The following TBCK variants were observed in gnomAD, a reference collection of about 807,000 sequenced individuals.
The protein encoded by TBCK is TBC1 domain containing kinase, also known as TBC domain-containing protein kinase-like protein.
A neutral mutation model predicts 113.4 loss-of-function variants in TBCK; 99 were observed. That is an observed-to-expected ratio of 0.87 (90% CI 0.74 to 1.03). The LOEUF (loss-of-function observed/expected upper bound fraction) is 1.03. TBCK is among the 50% of genes least tolerant of loss of function. The pLI, the probability that TBCK is intolerant of heterozygous loss-of-function variation, is 0.00. For missense variants in TBCK, 1,045 were observed against 1,061.3 expected (o/e 0.98, Z 0.21); for synonymous variants, 369 against 370.8 (o/e 1.00, Z 0.05).
chr4:106,125,581 A>T (rs751710113), intron 23 of TBCK, among the ~76,000 whole-genome samples: 2 of 152,186 alleles, frequency 1.3e-5, no homozygotes, highest in Non-Finnish European at 2.9e-5. Flanking sequence ...GGAGGTCATC[A>T]TGTTAAGTGA....
intron 23 of TBCK, among the ~76,000 whole-genome samples, chr4:106,122,240 C>T (rs1176902675): frequency 6.6e-6 from 1 of 151,964 alleles, no homozygotes; most frequent in Non-Finnish European, 1.5e-5. Flanking sequence ...GAGAATACTA[C>T]AAACACCTCT....
intron 19 of TBCK, among the ~76,000 whole-genome samples, chr4:106,226,083 G>A (rs758416800): frequency 1.3e-5 from 2 of 152,086 alleles, no homozygotes; most frequent in Non-Finnish European, 2.9e-5. Flanking sequence ...AGGGTGGCTT[G>A]AGCACAGGAG....
chr4:106,099,654 C>T (rs1741320615), intron 24 of TBCK, among the ~76,000 whole-genome samples: 2 of 152,116 alleles, frequency 1.3e-5, no homozygotes, highest in Non-Finnish European at 2.9e-5. Flanking sequence ...AGTCAAAAAT[C>T]TCATTTCCAA....
intron 23 of TBCK, among the ~76,000 whole-genome samples, chr4:106,156,717 C>G (rs753937150): frequency 3.3e-5 from 5 of 152,086 alleles, no homozygotes; most frequent in Non-Finnish European, 5.9e-5. Context: ...AGCTCTTCAT[C>G]GAGCTTGTGG....
At chr4:106,314,335 A>C (rs1377707560) in intron 1 of TBCK, among the ~76,000 whole-genome samples, 1 of 152,220 alleles carries the variant, frequency 6.6e-6, no homozygotes, top group Non-Finnish European at 1.5e-5. Flanking sequence ...AAAGTAACCA[A>C]TACAAAAACT....
At position 106,138,484 on chromosome 4, in the gene TBCK, G is replaced by T. The variant is rs573594810; in HGVS notation, c.2236-22106C>A. Among the ~76,000 whole-genome samples, 2 of 141,064 alleles carry T rather than the reference G, an allele frequency of 1.4e-5. 1 individual carries two copies. The highest frequency in any genetic ancestry group is 3.2e-5 in the Non-Finnish European group (2 of 62,050). The allele number at this position is 141,064 out of a possible 152,430, so 92.5% of individuals were successfully genotyped here. ...TAATTATGAGACTCAGTTAAGTGTT[G>T]TTCATGAACATGGCATGCTTATATA... is the stretch of plus-strand genomic sequence containing the variant. On this transcript the variant is annotated intron_variant, in intron 23 of 25. Coordinates refer to ENST00000394708, the MANE Select transcript of TBCK (RefSeq NM_001163435.3).
intron 25 of TBCK, among the ~76,000 whole-genome samples, chr4:106,073,356 C>T (rs1041740838): frequency 6.6e-6 from 1 of 152,214 alleles, no homozygotes; most frequent in Non-Finnish European, 1.5e-5. Context: ...ACAGGTCCCT[C>T]AGCTGCAGGT....
chr4:106,109,563 G>A (rs561984928), intron 24 of TBCK, among the ~76,000 whole-genome samples: 1 of 152,268 alleles, frequency 6.6e-6, no homozygotes, highest in Non-Finnish European at 1.5e-5. Flanking sequence ...TGGAATAACT[G>A]GCTAGTCATA....
At chr4:106,225,756 T>A (rs1758173336) in intron 19 of TBCK, among the ~76,000 whole-genome samples, 1 of 151,658 alleles carries the variant, frequency 6.6e-6, no homozygotes, top group Admixed American at 6.6e-5. Flanking sequence ...TGCGCCCAGC[T>A]TTTTTGGCCT....
chr4:106,197,593 T>C (rs1394047145), intron 20 of TBCK, among the ~76,000 whole-genome samples: 2 of 151,640 alleles, frequency 1.3e-5, no homozygotes, highest in African/African-American at 2.4e-5. Context: ...AAACAAGGCA[T>C]TAGGGAGAGT....
At chr4:106,305,390 C>A (rs1767409216) in intron 2 of TBCK, among the ~76,000 whole-genome samples, 1 of 151,942 alleles carries the variant, frequency 6.6e-6, no homozygotes, top group Non-Finnish European at 1.5e-5. Context: ...TTTGAGACTA[C>A]CAGCATCATC....
chr4:106,302,190 G>T (rs747630727), intron 2 of TBCK, among the ~76,000 whole-genome samples: 2 of 152,234 alleles, frequency 1.3e-5, no homozygotes, highest in African/African-American at 2.4e-5. Flanking sequence ...CATGACCTAT[G>T]TTACCCTAGC....
chr4:106,060,116 A>G (rs1735873022), intron 25 of TBCK, among the ~76,000 whole-genome samples: 1 of 150,838 alleles, frequency 6.6e-6, no homozygotes, highest in South Asian at 2.1e-4. Context: ...TCCATAACTA[A>G]AAGTGTAAGG....
At chr4:106,150,298 A>G (rs2149679340) in intron 23 of TBCK, among the ~76,000 whole-genome samples, 1 of 152,322 alleles carries the variant, frequency 6.6e-6, no homozygotes. Flanking sequence ...TATGATCACA[A>G]ATATGAATGC....
intron 22 of TBCK, among the ~76,000 whole-genome samples, chr4:106,177,235 C>T (rs1751784067): frequency 6.6e-6 from 1 of 151,796 alleles, no homozygotes; most frequent in African/African-American, 2.4e-5. Flanking sequence ...TGTACTCTGG[C>T]TACTAATCCT....
At chr4:106,278,502 T>C (rs1465288727) in intron 3 of TBCK, among the ~76,000 whole-genome samples, 1 of 132,182 alleles carries the variant, frequency 7.6e-6, no homozygotes. Context: ...GAGGTTGCAG[T>C]GAGCCCAGAT....
intron 23 of TBCK, among the ~76,000 whole-genome samples, chr4:106,140,377 T>C (rs1312474268): frequency 7.1e-6 from 1 of 141,300 alleles, no homozygotes; most frequent in Non-Finnish European, 1.6e-5. Flanking sequence ...TAAAATAAAA[T>C]AGCTATTCTA....
rs1578957758 is a variant in TBCK, at chr4:106,120,288, T to C, written c.2236-3910A>G. Among the ~76,000 whole-genome samples the C allele has an allele frequency of 1.3e-5, 2 of 152,150 alleles. 1 individual carries two copies. Among genetic ancestry groups the C allele is most frequent in the African/African-American group, 4.8e-5 (2 of 41,448 alleles). On this transcript the variant is annotated intron_variant, in intron 23 of 25. Transcript: ENST00000394708. ...TAAAAAACGGCGCACCACGAGATTA[T>C]ATCCCGCACCTGGCTCGGAGGGTCT... is the stretch of plus-strand genomic sequence containing the variant.
intron 23 of TBCK, among the ~76,000 whole-genome samples, chr4:106,118,023 C>A (rs1167418253): frequency 1.7e-3 from 246 of 147,358 alleles, no homozygotes; most frequent in Middle Eastern, 3.6e-3. Flanking sequence ...AAAAAAAAAA[C>A]AAAAAAACAC....
Sources: allele counts gnomAD v4.1 joint callset (sites outside exome capture counted in the v4.1 genomes callset), GRCh38; gene constraint gnomAD v4.1.1; transcripts MANE v1.5; gene names NCBI Gene and HGNC (gene_info 2026-07-23, HGNC 2026-07-21).